Variants in TENM1 observed in about 807,000 individuals in gnomAD.
TENM1 encodes teneurin-1.
TENM1 carries 35 observed loss-of-function variants against 174.8 expected under a neutral mutation model. The ratio of observed to expected loss-of-function variants is 0.20; its 90% confidence interval spans 0.15 to 0.27. The LOEUF is 0.27. TENM1 is among the 10% of genes least tolerant of loss of function. The pLI, the probability that TENM1 is intolerant of heterozygous loss-of-function variation, is 1.00. For synonymous variants in TENM1, 781 were observed against 798.7 expected (o/e 0.98, Z 0.37); for missense variants, 1,633 against 2,130.1 (o/e 0.77, Z 4.59).
chrX:124,841,886 G>A (rs2056508261), intron 3 of TENM1, among the ~76,000 whole-genome samples: 1 of 112,303 alleles, frequency 8.9e-6, no homozygotes, highest in African/African-American at 3.2e-5. Flanking sequence ...AACATGTTGA[G>A]TAACTTTGTC....
chrX:125,081,219 T>C, the TENM1 span, among the ~76,000 whole-genome samples: 1 of 111,278 alleles, frequency 9.0e-6, no homozygotes, highest in Admixed American at 9.6e-5. Context: ...ATGGAGTGTG[T>C]GTTTGTCGGG....
the TENM1 span, among the ~76,000 whole-genome samples, chrX:124,977,959 TGTGTGTGTGAGAGAGAGAGAGAGA>T: frequency 3.6e-5 from 2 of 55,794 alleles, no homozygotes; most frequent in African/African-American, 1.4e-4. Context: ...TGTGTGTGTG[TGTGTGTGTGAGAGAGAGAGAGAGA>T]GAGAGAGAGA....
chrX:125,038,142 C>T, the TENM1 span, among the ~76,000 whole-genome samples: 1 of 111,271 alleles, frequency 9.0e-6, no homozygotes, highest in Non-Finnish European at 1.9e-5. Context: ...AGCTTCTCAT[C>T]ACTATATATG....
chrX:124,592,957 T>C (rs751027269), intron 11 of TENM1, among the ~76,000 whole-genome samples: 16 of 110,986 alleles, frequency 1.4e-4, no homozygotes, highest in Non-Finnish European at 2.6e-4. Flanking sequence ...TAGCTACAGC[T>C]AATGTGGCTG....
chrX:124,617,081 T>C (rs1276241214), intron 11 of TENM1, among the ~76,000 whole-genome samples: 1 of 112,212 alleles, frequency 8.9e-6, no homozygotes, highest in African/African-American at 3.2e-5. Flanking sequence ...AGGCTGTTTT[T>C]ATAATTTTAA....
the TENM1 span, among the ~76,000 whole-genome samples, chrX:124,973,059 C>T: frequency 8.9e-6 from 1 of 112,113 alleles, no homozygotes; most frequent in South Asian, 3.7e-4. Flanking sequence ...AGCAAGAAAG[C>T]CATCTTGAGT....
At chrX:124,896,381 T>A (rs778999024) in intron 1 of TENM1, 140 bp from the exon 5 acceptor site, 17 of 612,437 alleles carry the variant, frequency 2.8e-5, no homozygotes, top group Admixed American at 7.5e-5. Flanking sequence ...GGCCTTTTAT[T>A]CATGGTAGCT....
chrX:125,124,992 T>C, the TENM1 span, among the ~76,000 whole-genome samples: 1 of 112,492 alleles, frequency 8.9e-6, no homozygotes, highest in Admixed American at 9.4e-5. Flanking sequence ...TTCAAATGCC[T>C]TCAGGGTAAA....
the TENM1 span, among the ~76,000 whole-genome samples, chrX:125,073,100 T>G: frequency 2.0e-3 from 218 of 111,470 alleles, 17 homozygotes; most frequent in East Asian, 0.024. Flanking sequence ...AAAATTTGTA[T>G]GTTGTATGTT....
chrX:124,586,174 C>A (rs1163622372), intron 11 of TENM1, among the ~76,000 whole-genome samples: 1 of 110,801 alleles, frequency 9.0e-6, no homozygotes, highest in Non-Finnish European at 1.9e-5. Flanking sequence ...GGAATCCTCC[C>A]TAACTCATTT....
In TENM1 at chrX:124,809,871, AGAGAGAG is replaced by A. The variant is rs780391746; in HGVS notation, c.536-72681_536-72675del. Among the ~76,000 whole-genome samples the A allele has an allele frequency of 1.7e-3, 180 of 108,046 alleles. 3 individuals are homozygous for A. Among genetic ancestry groups the A allele is most frequent in the African/African-American group, 2.8e-3 (83 of 29,466 alleles). The allele number at this position is 108,046 out of a possible 115,157, so 93.8% of individuals were successfully genotyped here. A position where few individuals can be genotyped will look rare whatever the true frequency, so the allele number is the denominator to read the frequency against. ...GAGAGAGAGAGAGAGAGAGAGAGAG[AGAGAGAG>A]AAGCAGGAAGCACCAGACACTTATC... On this transcript the variant is annotated intron_variant, in intron 3 of 31. Coordinates refer to ENST00000422452, the Ensembl canonical transcript of TENM1.
intron 23 of TENM1, among the ~76,000 whole-genome samples, chrX:124,450,236 T>C (rs1042676295): frequency 1.8e-5 from 2 of 110,337 alleles, no homozygotes; most frequent in African/African-American, 3.3e-5. Context: ...GGCGGGTGCC[T>C]GTAGTCCCAG....
chrX:125,097,875 G>A, the TENM1 span, among the ~76,000 whole-genome samples: 2 of 112,345 alleles, frequency 1.8e-5, no homozygotes, highest in Non-Finnish European at 3.8e-5. Context: ...AATACACTAC[G>A]CCTACTGATA....
intron 23 of TENM1, among the ~76,000 whole-genome samples, chrX:124,452,583 T>C (rs1367962806): frequency 5.4e-5 from 6 of 110,831 alleles, no homozygotes; most frequent in Non-Finnish European, 1.1e-4. Context: ...ATGTTTATTG[T>C]GGCACTATTC....
At chrX:124,448,286 C>T (rs1302356075) in intron 23 of TENM1, among the ~76,000 whole-genome samples, 1 of 111,496 alleles carries the variant, frequency 9.0e-6, no homozygotes, top group Non-Finnish European at 1.9e-5. Context: ...AGCTGAACAT[C>T]CCAAAAGCAT....
At chrX:125,082,610 T>C in the TENM1 span, among the ~76,000 whole-genome samples, 22 of 111,399 alleles carry the variant, frequency 2.0e-4, no homozygotes, top group African/African-American at 7.1e-4. Flanking sequence ...GGCTGGCTCC[T>C]GTACTTCATT....
the TENM1 span, among the ~76,000 whole-genome samples, chrX:124,974,902 A>ATATATATTTATATATATATATATT: frequency 1.1e-5 from 1 of 92,022 alleles, no homozygotes; most frequent in African/African-American, 4.4e-5. Flanking sequence ...ATATATATAT[A>ATATATATTTATATATATATATATT]AAATAATTTT....
intron 11 of TENM1, among the ~76,000 whole-genome samples, chrX:124,632,158 G>A (rs955256227): frequency 9.2e-6 from 1 of 109,133 alleles, no homozygotes; most frequent in Non-Finnish European, 1.9e-5. Context: ...TGATCTGCCC[G>A]CCTTGGCCTC....
At chrX:124,946,710 A>G (rs1413760478) in intron 1 of TENM1, among the ~76,000 whole-genome samples, 1 of 111,563 alleles carries the variant, frequency 9.0e-6, no homozygotes, top group East Asian at 2.8e-4. Context: ...ACAAGAGCTA[A>G]GTATTTCAAG....
Sources: gnomAD v4.1 joint callset for allele counts (sites outside exome capture counted in the v4.1 genomes callset) on GRCh38, gnomAD v4.1.1 for gene constraint, MANE v1.5 for transcripts, NCBI Gene and HGNC (gene_info 2026-07-23, HGNC 2026-07-21) for gene names.